Variants in ATRNL1 observed in about 807,000 individuals in gnomAD.
ATRNL1 encodes the protein attractin-like protein 1.
A neutral mutation model predicts 182.7 loss-of-function variants in ATRNL1; 95 were observed. The observed-to-expected ratio is 0.52, with a 90% confidence interval of 0.44 to 0.62. The LOEUF (loss-of-function observed/expected upper bound fraction) is 0.62. Ranked by LOEUF, ATRNL1 falls within the 20% of genes least tolerant of loss-of-function variation. The pLI is 0.00. For synonymous variants in ATRNL1, 576 were observed against 568.3 expected (o/e 1.01, Z -0.19); for missense variants, 1,471 against 1,679.5 (o/e 0.88, Z 2.17).
intron 27 of ATRNL1, among the ~76,000 whole-genome samples, chr10:115,828,026 C>A (rs1306668250): frequency 6.6e-6 from 1 of 152,030 alleles, no homozygotes; most frequent in Non-Finnish European, 1.5e-5. Context: ...TCAAGAAACA[C>A]CAAGCCTGAA....
At chr10:115,235,602 A>T (rs538721559) in intron 9 of ATRNL1, among the ~76,000 whole-genome samples, 5 of 152,202 alleles carry the variant, frequency 3.3e-5, no homozygotes, top group African/African-American at 1.2e-4. Flanking sequence ...ATATTCCATT[A>T]TCTCAATATA....
chr10:115,672,337 T>C (rs1945722530), intron 26 of ATRNL1, among the ~76,000 whole-genome samples: 2 of 152,142 alleles, frequency 1.3e-5, no homozygotes, highest in Admixed American at 1.3e-4. Context: ...TGAGGTTGCC[T>C]CCGAAGCCTA....
At chr10:115,264,501 G>C (rs1438953874) in intron 10 of ATRNL1, among the ~76,000 whole-genome samples, 2 of 151,484 alleles carry the variant, frequency 1.3e-5, no homozygotes, top group African/African-American at 4.8e-5. Flanking sequence ...AATGTTCCTA[G>C]TCACTGAATG....
intron 26 of ATRNL1, among the ~76,000 whole-genome samples, chr10:115,671,660 G>A (rs964941977): frequency 3.3e-5 from 5 of 152,190 alleles, no homozygotes; most frequent in Non-Finnish European, 5.9e-5. Flanking sequence ...GAATTTGTGG[G>A]GTAGGTGAGG....
At chr10:115,702,165 A>G (rs1316230495) in intron 26 of ATRNL1, among the ~76,000 whole-genome samples, 1 of 152,064 alleles carries the variant, frequency 6.6e-6, no homozygotes, top group Non-Finnish European at 1.5e-5. Context: ...TGAAAAACAA[A>G]AAGTTTATGA....
At chr10:115,707,109 T>A (rs1946923675) in intron 26 of ATRNL1, among the ~76,000 whole-genome samples, 1 of 151,844 alleles carries the variant, frequency 6.6e-6, no homozygotes, top group African/African-American at 2.4e-5. Flanking sequence ...GCTTTTATCC[T>A]GTAGTATCAC....
At chr10:115,700,049 A>C (rs1394219430) in intron 26 of ATRNL1, among the ~76,000 whole-genome samples, 1 of 152,210 alleles carries the variant, frequency 6.6e-6, no homozygotes, top group Non-Finnish European at 1.5e-5. Context: ...GTAGAATTCC[A>C]TGGTGTATAT....
chr10:115,758,545 T>C (rs1457965353), intron 27 of ATRNL1, among the ~76,000 whole-genome samples: 2 of 152,196 alleles, frequency 1.3e-5, no homozygotes, highest in Admixed American at 1.3e-4. Flanking sequence ...AGAGCTCTCC[T>C]GTATGAGGTG....
At chr10:115,525,651 C>T (rs1430615438) in intron 25 of ATRNL1, among the ~76,000 whole-genome samples, 1 of 152,108 alleles carries the variant, frequency 6.6e-6, no homozygotes, top group African/African-American at 2.4e-5. Flanking sequence ...ATAACTTTCT[C>T]TTCCATAAGC....
intron 24 of ATRNL1, among the ~76,000 whole-genome samples, chr10:115,506,681 A>G (rs2133655497): frequency 6.6e-6 from 1 of 152,180 alleles, no homozygotes; most frequent in African/African-American, 2.4e-5. Flanking sequence ...TGTACGGCAA[A>G]ATAAACTTTA....
At chr10:115,310,850 G>T (rs1853981800) in intron 17 of ATRNL1, among the ~76,000 whole-genome samples, 1 of 151,964 alleles carries the variant, frequency 6.6e-6, no homozygotes, top group Admixed American at 6.6e-5. Flanking sequence ...ATTTTATTCT[G>T]CTGGCTTTGG....
chr10:115,387,055 G>A (rs1858400985), intron 19 of ATRNL1, among the ~76,000 whole-genome samples: 1 of 151,324 alleles, frequency 6.6e-6, no homozygotes, highest in African/African-American at 2.4e-5. Flanking sequence ...AAGAAAATGT[G>A]GCACATATAC....
intron 26 of ATRNL1, among the ~76,000 whole-genome samples, chr10:115,566,440 A>C (rs1216567050): frequency 6.6e-6 from 1 of 152,194 alleles, no homozygotes; most frequent in East Asian, 1.9e-4. Context: ...TTAGTAATTT[A>C]CATATAACCT....
intron 25 of ATRNL1, among the ~76,000 whole-genome samples, chr10:115,527,351 G>A (rs1554986828): frequency 6.6e-6 from 1 of 151,950 alleles, no homozygotes; most frequent in Non-Finnish European, 1.5e-5. Flanking sequence ...AGGCTCCTGA[G>A]CTCAAGTGAT....
intron 19 of ATRNL1, among the ~76,000 whole-genome samples, chr10:115,354,454 G>A (rs1393320179): frequency 2.6e-5 from 4 of 151,928 alleles, no homozygotes; most frequent in African/African-American, 9.7e-5. Flanking sequence ...TATCTTTCCT[G>A]TATGCAGTAT....
chr10:115,129,663 G>T, intron 5 of ATRNL1, 128 bp downstream of exon 5: 1 of 662,372 alleles, frequency 1.5e-6, no homozygotes. Flanking sequence ...TTTATTTTTA[G>T]AATGTTCAGA....
At chr10:115,491,556 A>G (rs1434632743) in intron 24 of ATRNL1, among the ~76,000 whole-genome samples, 2 of 152,010 alleles carry the variant, frequency 1.3e-5, no homozygotes, top group African/African-American at 4.8e-5. Flanking sequence ...TGAGGGCAAA[A>G]TCACCTACTC....
At chr10:115,380,244 T>TTTAA (rs1857921826) in intron 19 of ATRNL1, among the ~76,000 whole-genome samples, 1 of 152,212 alleles carries the variant, frequency 6.6e-6, no homozygotes, top group Admixed American at 6.5e-5. Flanking sequence ...GTGTATTTAT[T>TTTAA]TTAATCATCT....
intron 27 of ATRNL1, among the ~76,000 whole-genome samples, chr10:115,756,096 G>A (rs782002107): frequency 9.9e-5 from 15 of 151,728 alleles, no homozygotes; most frequent in African/African-American, 2.2e-4. Flanking sequence ...TATCTATTTC[G>A]TTGATCTTTT....
Sources: gnomAD v4.1 joint callset for allele counts (sites outside exome capture counted in the v4.1 genomes callset) on GRCh38, gnomAD v4.1.1 for gene constraint, MANE v1.5 for transcripts, NCBI Gene and HGNC (gene_info 2026-07-23, HGNC 2026-07-21) for gene names.